Variants in LHFPL3 observed in about 807,000 individuals in gnomAD.
The protein encoded by LHFPL3 is LHFPL tetraspan subfamily member 3.
Under a neutral mutation model 19.3 loss-of-function variants are expected in LHFPL3, and 5 were observed. The ratio of observed to expected loss-of-function variants is 0.26; its 90% CI spans 0.14 to 0.54. The LOEUF (loss-of-function observed/expected upper bound fraction) is 0.54. Among genes scored for constraint, LHFPL3 ranks in the 20% least tolerant of loss-of-function variants. The pLI, the probability that LHFPL3 is intolerant of heterozygous loss-of-function variation, is 0.94. For missense variants in LHFPL3, 249 were observed against 307.4 expected (o/e 0.81, Z 1.42); for synonymous variants, 133 against 126.2 (o/e 1.05, Z -0.36).
intron 1 of LHFPL3, among the ~76,000 whole-genome samples, chr7:104,588,722 C>A (rs1473920248): frequency 6.6e-6 from 1 of 152,192 alleles, no homozygotes; most frequent in Non-Finnish European, 1.5e-5. Flanking sequence ...TGGCCATTTT[C>A]ACAATATTGA....
intron 1 of LHFPL3, among the ~76,000 whole-genome samples, chr7:104,733,248 T>C (rs940075500): frequency 2.6e-5 from 4 of 152,220 alleles, no homozygotes; most frequent in Non-Finnish European, 4.4e-5. Flanking sequence ...GTCTGCTTGG[T>C]ACAGAGCTGA....
At chr7:104,491,117 A>G (rs987466552) in intron 1 of LHFPL3, among the ~76,000 whole-genome samples, 3 of 151,358 alleles carry the variant, frequency 2.0e-5, no homozygotes, top group African/African-American at 7.3e-5. Context: ...TCCAACTATG[A>G]CTCTGGAAGA....
chr7:104,823,127 G>A (rs1190377274), intron 2 of LHFPL3, among the ~76,000 whole-genome samples: 1 of 152,180 alleles, frequency 6.6e-6, no homozygotes, highest in African/African-American at 2.4e-5. Flanking sequence ...GGGAAGGCCC[G>A]AGAATGAAAC....
chr7:104,486,616 G>C lies in LHFPL3; in HGVS notation c.445+157392G>C, dbSNP rs112290874. Among the ~76,000 whole-genome samples the C allele has an allele frequency of 2.7e-3, 406 of 152,274 alleles. 1 individual carries two copies. The highest frequency in any genetic ancestry group is 9.3e-3 in the African/African-American group (386 of 41,558). ...CCTAATACCATAACCCTGGGATTAGGATTTCAGTGCATGTGGAGAAGGGGT... is the reference window on the plus strand; with the variant it reads ...CCTAATACCATAACCCTGGGATTAGCATTTCAGTGCATGTGGAGAAGGGGT... On this transcript the variant is annotated intron_variant, in intron 1 of 2. Coordinates refer to ENST00000424859, the MANE Select transcript of LHFPL3 (RefSeq NM_199000.3).
chr7:104,525,680 C>T (rs1265194051), intron 1 of LHFPL3, among the ~76,000 whole-genome samples: 3 of 149,880 alleles, frequency 2.0e-5, no homozygotes, highest in African/African-American at 7.4e-5. Flanking sequence ...GATCTTGGCT[C>T]ACTGCAACCT....
intron 1 of LHFPL3, among the ~76,000 whole-genome samples, chr7:104,520,013 C>G (rs1311911571): frequency 1.3e-5 from 2 of 151,862 alleles, no homozygotes; most frequent in Non-Finnish European, 2.9e-5. Context: ...AAGGGCATCC[C>G]TGTCTTGTGC....
At chr7:104,644,457 A>G (rs1791893440) in intron 1 of LHFPL3, among the ~76,000 whole-genome samples, 1 of 152,198 alleles carries the variant, frequency 6.6e-6, no homozygotes, top group Non-Finnish European at 1.5e-5. Flanking sequence ...ATGAAAGCCG[A>G]CACAGGAAAA....
chr7:104,706,160 C>A (rs145559749), intron 1 of LHFPL3, among the ~76,000 whole-genome samples: 1 of 152,068 alleles, frequency 6.6e-6, no homozygotes, highest in South Asian at 2.1e-4. Flanking sequence ...ATTTTATGAG[C>A]CCACAGTCTG....
chr7:104,522,083 C>A (rs28821289), intron 1 of LHFPL3, among the ~76,000 whole-genome samples: 2,382 of 152,118 alleles, frequency 0.016, 63 homozygotes, highest in African/African-American at 0.054. Flanking sequence ...AAGACACATG[C>A]ACACGTATGT....
At chr7:104,377,418 T>C (rs773812292) in intron 1 of LHFPL3, among the ~76,000 whole-genome samples, 1 of 152,192 alleles carries the variant, frequency 6.6e-6, no homozygotes, top group Non-Finnish European at 1.5e-5. Context: ...GGTTTCAATG[T>C]ATCACAAAAG....
Position 104,483,435 on chromosome 7 carries a change from G to T in LHFPL3, c.445+154211G>T, listed in dbSNP as rs149098111. Among the ~76,000 whole-genome samples the T allele has an allele frequency of 1.2e-4, 19 of 152,242 alleles. No individual in the cohort carries two copies. The East Asian group carries it at 3.7e-3, about 29-fold the overall frequency. On this transcript the variant is annotated intron_variant, in intron 1 of 2. Coordinates refer to ENST00000424859, the MANE Select transcript of LHFPL3 (RefSeq NM_199000.3). ...CAAAGAAAAAGGCTTTTAAATTGAT[G>T]ATCTATGGACTTTTAAAACTACATA...
At chr7:104,398,844 G>A (rs55881808) in intron 1 of LHFPL3, among the ~76,000 whole-genome samples, 2 of 70,496 alleles carry the variant, frequency 2.8e-5, no homozygotes, top group African/African-American at 4.1e-5. Flanking sequence ...TCTGATGCCC[G>A]CCCCCCGGCC....
chr7:104,383,499 C>A (rs1251225823), intron 1 of LHFPL3, among the ~76,000 whole-genome samples: 1 of 152,170 alleles, frequency 6.6e-6, no homozygotes, highest in African/African-American at 2.4e-5. Context: ...CAAGTTTTGC[C>A]CTGAGATATT....
chr7:104,550,178 G>T (rs1398497149), intron 1 of LHFPL3, among the ~76,000 whole-genome samples: 1 of 151,862 alleles, frequency 6.6e-6, no homozygotes, highest in East Asian at 1.9e-4. Flanking sequence ...ATTGGATGAT[G>T]CTCACCCACA....
At chr7:104,817,762 G>A (rs1467101039) in intron 2 of LHFPL3, among the ~76,000 whole-genome samples, 2 of 151,964 alleles carry the variant, frequency 1.3e-5, no homozygotes, top group African/African-American at 4.8e-5. Flanking sequence ...AACCCCCATG[G>A]CCACACCATG....
At chr7:104,808,395 T>C (rs1039041512) in intron 2 of LHFPL3, among the ~76,000 whole-genome samples, 6 of 152,200 alleles carry the variant, frequency 3.9e-5, no homozygotes, top group African/African-American at 1.4e-4. Flanking sequence ...CTGAGGTCAT[T>C]CAGCTAGAAA....
chr7:104,529,424 G>C (rs1794250628), intron 1 of LHFPL3, among the ~76,000 whole-genome samples: 1 of 152,088 alleles, frequency 6.6e-6, no homozygotes, highest in South Asian at 2.1e-4. Flanking sequence ...ATGAGTGCAT[G>C]ACTGTGCCGT....
intron 2 of LHFPL3, among the ~76,000 whole-genome samples, chr7:104,893,026 C>T (rs1035679000): frequency 2.6e-5 from 4 of 151,730 alleles, no homozygotes; most frequent in South Asian, 2.1e-4. Flanking sequence ...GACAACATAG[C>T]GAGAAACTAT....
At chr7:104,705,305 C>G (rs1412922459) in intron 1 of LHFPL3, among the ~76,000 whole-genome samples, 1 of 152,104 alleles carries the variant, frequency 6.6e-6, no homozygotes, top group Non-Finnish European at 1.5e-5. Flanking sequence ...CTCTAGCCTC[C>G]AAATATCTTG....
Sources: allele counts gnomAD v4.1 joint callset (sites outside exome capture counted in the v4.1 genomes callset), GRCh38; gene constraint gnomAD v4.1.1; transcripts MANE v1.5; gene names NCBI Gene and HGNC (gene_info 2026-07-23, HGNC 2026-07-21).